The following GC variants were observed in gnomAD, a reference collection of about 807,000 sequenced individuals.
The protein encoded by GC is vitamin D-binding protein.
A neutral mutation model predicts 56.7 loss-of-function variants in GC; 43 were observed. The observed-to-expected ratio is 0.76, with a 90% CI of 0.59 to 0.98. The LOEUF is 0.98. GC is among the 50% of genes least tolerant of loss of function. The pLI, the probability that GC is intolerant of heterozygous loss-of-function variation, is 0.00. For synonymous variants in GC, 216 were observed against 202.7 expected, an observed-to-expected ratio of 1.07 and a Z score of -0.56; for missense variants, 529 against 545.9, an observed-to-expected ratio of 0.97 and a Z score of 0.31.
rs780309268 is a variant in GC, at chr4:71,763,526, C to T, written c.607-24G>A. 61 of 1,354,198 alleles carry T rather than the reference C, an allele frequency of 4.5e-5. 1 individual carries two copies. Among genetic ancestry groups the T allele is most frequent in the Non-Finnish European group, 6.1e-5 (58 of 945,712 alleles). 83.9% of individuals were successfully genotyped at this position (1,354,198 alleles called of 1,614,324 possible). A position where few individuals can be genotyped will look rare whatever the true frequency, so the allele number is the denominator to read the frequency against. On this transcript the variant is annotated intron_variant, in intron 5 of 12. Transcript: ENST00000273951. ...CTCTAGAAAACAAGTGAAAGAATCT[C>T]ATTATATGGTCAAGACTCATTGAAT...
chr4:71,761,061 G>C (rs146744930), intron 6 of GC, among the ~76,000 whole-genome samples: 3,410 of 152,282 alleles, frequency 0.022, 117 homozygotes, highest in African/African-American at 0.077. Context: ...AACAGGCAGA[G>C]GTTGGAACAG....
intron 11 of GC, 145 bp from the exon 12 acceptor site, chr4:71,746,350 A>G: frequency 3.8e-6 from 2 of 525,908 alleles, no homozygotes; most frequent in Admixed American, 3.3e-5. Context: ...GCAGTTTTTT[A>G]TTAGCCACCC....
At chr4:71,776,732 C>G (rs1742520786) in intron 1 of GC, among the ~76,000 whole-genome samples, 1 of 151,880 alleles carries the variant, frequency 6.6e-6, no homozygotes, top group Non-Finnish European at 1.5e-5. Context: ...AGATATCAAA[C>G]TATTCCATTG....
intron 1 of GC, chr4:71,803,903 T>A (rs1490186290): frequency 2.8e-6 from 4 of 1,412,936 alleles, no homozygotes; most frequent in African/African-American, 2.8e-5. Context: ...AACTTGAAAT[T>A]ATTTGGAATT....
In GC at chr4:71,762,569, G is replaced by T. The variant is rs539525641; in HGVS notation, c.701+839C>A. Among the ~76,000 whole-genome samples, 5 of 152,270 alleles carry T rather than the reference G, an allele frequency of 3.3e-5. No homozygotes were observed. The East Asian group carries it at 9.7e-4, about 29-fold the overall frequency. ...TGCCAGGGGTGGGATGATATGGTTTGGCTGTGTCCCCACACAAATCTCATC... is the reference window on the plus strand; with the variant it reads ...TGCCAGGGGTGGGATGATATGGTTTTGCTGTGTCCCCACACAAATCTCATC... On this transcript the variant is annotated intron_variant, in intron 6 of 12. Coordinates refer to ENST00000273951, the MANE Select transcript of GC (RefSeq NM_000583.4).
At chr4:71,798,403 T>C (rs1743165824) in intron 1 of GC, among the ~76,000 whole-genome samples, 1 of 152,246 alleles carries the variant, frequency 6.6e-6, no homozygotes, top group Non-Finnish European at 1.5e-5. Flanking sequence ...GTAATTTTGC[T>C]TACTATACAA....
chr4:71,764,810 G>C (rs3775153), intron 4 of GC, among the ~76,000 whole-genome samples: 9,026 of 152,072 alleles, frequency 0.059, 706 homozygotes, highest in African/African-American at 0.17. Context: ...TTTTGAATAT[G>C]TATATATTTC....
intron 3 of GC, among the ~76,000 whole-genome samples, chr4:71,767,952 T>C (rs67573830): frequency 0.08 from 12,097 of 152,126 alleles, 646 homozygotes; most frequent in East Asian, 0.23. Context: ...AGAATAATGA[T>C]CCATGGGCTG....
chr4:71,789,837 GAT>G (rs1447391329), intron 1 of GC, among the ~76,000 whole-genome samples: 2 of 151,908 alleles, frequency 1.3e-5, no homozygotes. Context: ...GAGTGAAAGA[GAT>G]GTGAGAAAGA....
intron 1 of GC, chr4:71,769,672 A>G: frequency 3.0e-6 from 1 of 333,474 alleles, no homozygotes; most frequent in South Asian, 3.7e-5. Context: ...ATACATGTCA[A>G]CTAGTGAGTC....
At chr4:71,768,818 A>G (rs374292113) in intron 2 of GC, among the ~76,000 whole-genome samples, 7 of 152,348 alleles carry the variant, frequency 4.6e-5, no homozygotes, top group African/African-American at 1.4e-4. Context: ...AACCTGTTCA[A>G]TGTTTAAATG....
At position 71,775,119 on chromosome 4, in the gene GC, C is replaced by T. The variant is rs117344681; in HGVS notation, c.59-5719G>A. Among the ~76,000 whole-genome samples the T allele has an allele frequency of 8.5e-4, 128 of 150,224 alleles. 2 individuals carry two copies. In the East Asian group the frequency reaches 0.016, roughly 19 times the overall value. On this transcript the variant is annotated intron_variant, in intron 1 of 12. Coordinates refer to ENST00000273951, the MANE Select transcript of GC (RefSeq NM_000583.4). Reference sequence around the variant, plus strand: ...GAGCAGATTGGTTGAAAGACTCAGGCGCTTTGGTCTTAGTAGTGACAGAGA... The same window carrying T: ...GAGCAGATTGGTTGAAAGACTCAGGTGCTTTGGTCTTAGTAGTGACAGAGA...
At chr4:71,789,105 A>G (rs1742912040) in intron 1 of GC, among the ~76,000 whole-genome samples, 1 of 151,886 alleles carries the variant, frequency 6.6e-6, no homozygotes, top group South Asian at 2.1e-4. Flanking sequence ...TGCATTATGT[A>G]TAGAGAGAAA....
At position 71,769,484 on chromosome 4, in the gene GC, A is replaced by T; in HGVS notation, c.59-84T>A. ...ATGTACATGTATAAAGTGATCTTCC[A>T]CGTGGCCTACAATGAAAGTCGTATT... On this transcript the variant is annotated intron_variant, in intron 1 of 12. Coordinates refer to ENST00000273951, the MANE Select transcript of GC (RefSeq NM_000583.4). 3.4e-6 allele frequency: 3 copies of T among 879,868 alleles called. No homozygotes were observed. The South Asian group carries it at 4.4e-5, about 13-fold the overall frequency. 54.5% of individuals were successfully genotyped at this position (879,868 alleles called of 1,614,324 possible).
chr4:71,804,172 A>G, upstream of GC: 1 of 574,486 alleles, frequency 1.7e-6, no homozygotes, highest in Non-Finnish European at 3.1e-6. Context: ...AGACACAGGT[A>G]TGCAGTGTAA....
intron 12 of GC, among the ~76,000 whole-genome samples, chr4:71,745,170 A>G (rs1321442560): frequency 1.3e-5 from 2 of 152,200 alleles, no homozygotes; most frequent in Admixed American, 6.5e-5. Flanking sequence ...TTCATTTTAC[A>G]TGAAAGGAAA....
At chr4:71,792,650 A>T (rs1185527016) in intron 1 of GC, among the ~76,000 whole-genome samples, 1 of 152,008 alleles carries the variant, frequency 6.6e-6, no homozygotes, top group Non-Finnish European at 1.5e-5. Context: ...GCTGTGCAGA[A>T]GCTCTTTAAT....
At chr4:71,764,088 C>A (rs768781169) in intron 4 of GC, 152 bp from the exon 5 acceptor site, 12 of 605,682 alleles carry the variant, frequency 2.0e-5, no homozygotes, top group Non-Finnish European at 2.9e-5. Context: ...CTCAAGCGAT[C>A]CTCCTGCTTC....
intron 1 of GC, among the ~76,000 whole-genome samples, chr4:71,777,517 C>G (rs1204004990): frequency 6.7e-6 from 1 of 149,626 alleles, no homozygotes; most frequent in Non-Finnish European, 1.5e-5. Flanking sequence ...GATATATTTG[C>G]TAAGAAAACT....
Sources: gnomAD v4.1 joint callset for allele counts (sites outside exome capture counted in the v4.1 genomes callset) on GRCh38, gnomAD v4.1.1 for gene constraint, MANE v1.5 for transcripts, NCBI Gene and HGNC (gene_info 2026-07-23, HGNC 2026-07-21) for gene names.